LYN: variants seen among roughly 807,000 people sequenced by gnomAD.
The protein encoded by LYN is LYN proto-oncogene, Src family tyrosine kinase.
In LYN, 12 loss-of-function variants were observed where a neutral mutation model predicts 65.0. The ratio of observed to expected loss-of-function variants is 0.18; its 90% CI spans 0.12 to 0.30. The LOEUF (loss-of-function observed/expected upper bound fraction) is 0.30. Among genes scored for constraint, LYN ranks in the 10% least tolerant of loss-of-function variants. The pLI is 1.00. For missense variants in LYN, 380 were observed against 623.2 expected (o/e 0.61, Z 4.16); for synonymous variants, 222 against 221.2 (o/e 1.00, Z -0.03).
chr8:55,887,553 T>C (rs1804831228), intron 1 of LYN, among the ~76,000 whole-genome samples: 1 of 64,460 alleles, frequency 1.6e-5, no homozygotes, highest in Non-Finnish European at 2.8e-5. Flanking sequence ...CATATAAAAA[T>C]ATAAATATAT....
intron 1 of LYN, among the ~76,000 whole-genome samples, chr8:55,904,694 G>C (rs1229029356): frequency 1.3e-5 from 2 of 152,110 alleles, no homozygotes; most frequent in Non-Finnish European, 2.9e-5. Flanking sequence ...AGTTTGCAGT[G>C]AGCCGAGATT....
At chr8:55,943,226 C>T (rs556076489) in intron 2 of LYN, among the ~76,000 whole-genome samples, 2 of 152,124 alleles carry the variant, frequency 1.3e-5, no homozygotes, top group Admixed American at 1.3e-4. Flanking sequence ...ACATGTATAC[C>T]ACCCATAGCC....
intron 1 of LYN, among the ~76,000 whole-genome samples, chr8:55,903,494 G>T (rs1280311751): frequency 6.6e-6 from 1 of 152,212 alleles, no homozygotes; most frequent in African/African-American, 2.4e-5. Flanking sequence ...GAGTGTTTTT[G>T]ATTACCAACT....
At position 55,979,533 on chromosome 8, in the gene LYN, G is replaced by A. The variant is rs117025250; in HGVS notation, c.1050+9740G>A. Reference sequence around the variant, plus strand: ...ATTTGTGTCTGTAGCTCTGCAGCTCGTGGGGCTTTGTGAAACACAATGAGA... The same window carrying A: ...ATTTGTGTCTGTAGCTCTGCAGCTCATGGGGCTTTGTGAAACACAATGAGA... On this transcript the variant is annotated intron_variant, in intron 10 of 12. Transcript: ENST00000519728. Among the ~76,000 whole-genome samples, 1,398 of 152,292 alleles carry A rather than the reference G, an allele frequency of 9.2e-3. 10 individuals are homozygous for A. The highest frequency in any genetic ancestry group is 0.014 in the Non-Finnish European group (950 of 68,016).
At chr8:55,905,718 C>T (rs1387034538) in intron 1 of LYN, among the ~76,000 whole-genome samples, 1 of 152,114 alleles carries the variant, frequency 6.6e-6, no homozygotes, top group African/African-American at 2.4e-5. Flanking sequence ...CAGGGAGAGC[C>T]TCACTCCTCT....
At chr8:55,939,461 GAA>G (rs1491225931) in intron 1 of LYN, among the ~76,000 whole-genome samples, 3 of 125,928 alleles carry the variant, frequency 2.4e-5, no homozygotes, top group Admixed American at 7.4e-5. Flanking sequence ...TTTCCCAAGA[GAA>G]GAGAGAGAGA....
chr8:55,936,913 T>G (rs1806452897), intron 1 of LYN, among the ~76,000 whole-genome samples: 1 of 152,362 alleles, frequency 6.6e-6, no homozygotes, highest in Non-Finnish European at 1.5e-5. Flanking sequence ...CTCTGGGTTT[T>G]ACTTTCCTCA....
At chr8:55,894,640 C>G (rs118106492) in intron 1 of LYN, among the ~76,000 whole-genome samples, 3,333 of 151,272 alleles carry the variant, frequency 0.022, 68 homozygotes, top group Non-Finnish European at 0.033. Flanking sequence ...TCAAGCTATT[C>G]TCCTTCTTCA....
intron 10 of LYN, among the ~76,000 whole-genome samples, chr8:55,983,180 C>T (rs916606517): frequency 6.6e-6 from 1 of 152,088 alleles, no homozygotes; most frequent in African/African-American, 2.4e-5. Context: ...GCCCAGTCTG[C>T]TCCCTCTCAC....
At chr8:55,936,283 G>T (rs1380886106) in intron 1 of LYN, among the ~76,000 whole-genome samples, 2 of 152,238 alleles carry the variant, frequency 1.3e-5, no homozygotes, top group Non-Finnish European at 2.9e-5. Flanking sequence ...CTCTAATTCA[G>T]AAAACTCATG....
At chr8:55,905,665 T>C (rs141835189) in intron 1 of LYN, among the ~76,000 whole-genome samples, 7 of 152,210 alleles carry the variant, frequency 4.6e-5, no homozygotes, top group African/African-American at 1.4e-4. Context: ...CTTTTCCTAG[T>C]CACCCCCAAA....
intron 8 of LYN, among the ~76,000 whole-genome samples, chr8:55,958,908 A>G (rs1807198130): frequency 6.6e-6 from 1 of 152,218 alleles, no homozygotes. Context: ...TGAATTTGCC[A>G]CTGTGAACAT....
intron 1 of LYN, among the ~76,000 whole-genome samples, chr8:55,914,857 T>C (rs985706293): frequency 1.3e-5 from 2 of 152,176 alleles, no homozygotes; most frequent in African/African-American, 4.8e-5. Flanking sequence ...CAAACAAATG[T>C]AGAAAAGGTG....
intron 1 of LYN, chr8:55,902,764 T>G (rs1805308162): frequency 1.9e-6 from 1 of 514,352 alleles, no homozygotes; most frequent in Non-Finnish European, 3.9e-6. Flanking sequence ...ATATGCATAC[T>G]GTGATGGAAG....
chr8:55,897,108 C>A (rs542552988), intron 1 of LYN, among the ~76,000 whole-genome samples: 17 of 152,244 alleles, frequency 1.1e-4, no homozygotes, highest in Non-Finnish European at 1.9e-4. Context: ...ATGTTACTCA[C>A]CCGAACGCTG....
chr8:55,902,717 A>G (rs1377037996), intron 1 of LYN: 9 of 484,624 alleles, frequency 1.9e-5, no homozygotes, highest in South Asian at 6.1e-5. Flanking sequence ...ACTCATAAGC[A>G]TGGCAAAATG....
At chr8:55,938,443 T>C (rs16922439) in intron 1 of LYN, among the ~76,000 whole-genome samples, 2,445 of 152,334 alleles carry the variant, frequency 0.016, 150 homozygotes, top group East Asian at 0.13. Context: ...AAACTTGGAA[T>C]TCCTGTTGGG....
At chr8:55,885,565 A>G (rs893179923) in intron 1 of LYN, among the ~76,000 whole-genome samples, 4 of 152,106 alleles carry the variant, frequency 2.6e-5, no homozygotes, top group Non-Finnish European at 5.9e-5. Flanking sequence ...GTGAGACTGG[A>G]GAGATGGGTG....
intron 1 of LYN, among the ~76,000 whole-genome samples, chr8:55,889,561 A>T (rs984671041): frequency 1.3e-5 from 2 of 152,168 alleles, no homozygotes. Context: ...TTGGGGGAAT[A>T]CCAACATAAA....
Sources: gnomAD v4.1 joint callset for allele counts (sites outside exome capture counted in the v4.1 genomes callset) on GRCh38, gnomAD v4.1.1 for gene constraint, MANE v1.5 for transcripts, NCBI Gene and HGNC (gene_info 2026-07-23, HGNC 2026-07-21) for gene names.